CYP39A1: variants seen among roughly 807,000 people sequenced by gnomAD.
CYP39A1 encodes the protein cytochrome P450 family 39 subfamily A member 1.
In CYP39A1, 49 loss-of-function variants were observed where a neutral mutation model predicts 58.1. The observed-to-expected ratio is 0.84, with a 90% CI of 0.67 to 1.07. The LOEUF (loss-of-function observed/expected upper bound fraction) is 1.07, where lower values mean the gene tolerates loss of function less well. Among genes scored for constraint, CYP39A1 ranks in the 50% least tolerant of loss-of-function variants. The pLI, the probability that CYP39A1 is intolerant of heterozygous loss-of-function variation, is 0.00. For missense variants in CYP39A1, 531 were observed against 539.4 expected, an observed-to-expected ratio of 0.98 and a Z score of 0.16; for synonymous variants, 209 against 187.6, an observed-to-expected ratio of 1.11 and a Z score of -0.93.
At chr6:46,605,342 G>A (rs1773775815) in intron 7 of CYP39A1, among the ~76,000 whole-genome samples, 1 of 152,164 alleles carries the variant, frequency 6.6e-6, no homozygotes, top group Non-Finnish European at 1.5e-5. Context: ...CAAGAAGAGA[G>A]AGGGCCCAGC....
At chr6:46,633,628 G>A (rs1333421734) in intron 5 of CYP39A1, among the ~76,000 whole-genome samples, 1 of 152,156 alleles carries the variant, frequency 6.6e-6, no homozygotes, top group Non-Finnish European at 1.5e-5. Context: ...GGAGGCCGAG[G>A]CAGGTGGGTC....
intron 7 of CYP39A1, among the ~76,000 whole-genome samples, chr6:46,616,230 C>CCTTCCTT (rs1774587391): frequency 3.0e-5 from 1 of 33,536 alleles, no homozygotes; most frequent in Non-Finnish European, 4.9e-5. Flanking sequence ...CTCCCTCCCT[C>CCTTCCTT]CCTCCCTCCC....
intron 5 of CYP39A1, among the ~76,000 whole-genome samples, chr6:46,635,721 A>AT (rs1775945564): frequency 6.6e-6 from 1 of 151,980 alleles, no homozygotes. Flanking sequence ...TGCCTGGCTA[A>AT]TTTTTTATAT....
chr6:46,554,139 T>G (rs1770550192), intron 10 of CYP39A1, among the ~76,000 whole-genome samples: 1 of 152,222 alleles, frequency 6.6e-6, no homozygotes, highest in African/African-American at 2.4e-5. Context: ...GGACTGTGCT[T>G]TCCAGTATCA....
chr6:46,555,713 TTGAA>T (rs1164413170), intron 10 of CYP39A1, among the ~76,000 whole-genome samples: 8 of 152,212 alleles, frequency 5.3e-5, no homozygotes, highest in Non-Finnish European at 8.8e-5. Flanking sequence ...TGTTTGTTGA[TTGAA>T]TGAGTGAATG....
intron 7 of CYP39A1, among the ~76,000 whole-genome samples, chr6:46,600,020 C>T (rs1307206064): frequency 6.6e-6 from 1 of 152,072 alleles, no homozygotes; most frequent in East Asian, 1.9e-4. Flanking sequence ...GTCTGTGGTT[C>T]CTAACACAGA....
At chr6:46,556,142 T>G (rs1582283162) in intron 10 of CYP39A1, among the ~76,000 whole-genome samples, 1 of 152,332 alleles carries the variant, frequency 6.6e-6, no homozygotes, top group East Asian at 1.9e-4. Flanking sequence ...GGTGTTATCT[T>G]CCTGCCTTAA....
At chr6:46,556,522 T>C (rs1308808129) in intron 10 of CYP39A1, among the ~76,000 whole-genome samples, 1 of 151,792 alleles carries the variant, frequency 6.6e-6, no homozygotes, top group African/African-American at 2.4e-5. Context: ...AAAAGGGAAA[T>C]CAAAGCACAA....
chr6:46,642,279 A>G lies in CYP39A1; in HGVS notation c.197T>C (p.Val66Ala), dbSNP rs1562020080. 2 of 1,612,662 alleles carry G rather than the reference A, an allele frequency of 1.2e-6. No homozygotes were observed. The highest frequency in any genetic ancestry group is 1.1e-5 in the South Asian group (1 of 90,978). ...ARIKYGPIFT[V>A]FAMGNRMTFV... ...GGTCATTCGGTTTCCCATAGCAAAG[A>G]CTGTAAATATTGGTCCATACTGAAA... The change falls in exon 2 of 12, where the codon GTC (valine) becomes GCC (alanine). Residue 66 changes from valine (V) to alanine (A), a missense_variant. Val to Ala is a moderately conservative substitution (Grantham distance 64). Coordinates refer to ENST00000275016, the MANE Select transcript of CYP39A1 (RefSeq NM_016593.5).
chr6:46,625,518 A>T lies in CYP39A1; in HGVS notation c.841-10T>A. 1.3e-6 allele frequency: 2 copies of T among 1,588,998 alleles called. No individual in the cohort carries two copies. Among genetic ancestry groups the T allele is most frequent in the South Asian group, 2.3e-5 (2 of 88,848 alleles). On this transcript the variant is annotated splice_polypyrimidine_tract_variant and intron_variant, in intron 6 of 11. Coordinates refer to ENST00000275016, the MANE Select transcript of CYP39A1 (RefSeq NM_016593.5). ...GTGTCCAAAATGCAACCTTAAAAAG[A>T]AAAACATATATCAAAAATATGAACT...
At chr6:46,626,880 T>G (rs1438556823) in intron 6 of CYP39A1, among the ~76,000 whole-genome samples, 2 of 152,162 alleles carry the variant, frequency 1.3e-5, no homozygotes, top group Non-Finnish European at 2.9e-5. Context: ...GAGTTCATGT[T>G]GGGGAAAAAA....
intron 8 of CYP39A1, among the ~76,000 whole-genome samples, chr6:46,589,207 C>A (rs1582346979): frequency 6.6e-6 from 1 of 152,086 alleles, no homozygotes; most frequent in Non-Finnish European, 1.5e-5. Flanking sequence ...AATCCTAGCA[C>A]TTTGGGAGGC....
intron 1 of CYP39A1, among the ~76,000 whole-genome samples, chr6:46,648,834 T>C (rs754841611): frequency 6.6e-6 from 1 of 152,134 alleles, no homozygotes; most frequent in Non-Finnish European, 1.5e-5. Context: ...CAAATAATGT[T>C]TCCATTGTGT....
At chr6:46,616,943 A>G (rs1460252541) in intron 7 of CYP39A1, among the ~76,000 whole-genome samples, 9 of 152,156 alleles carry the variant, frequency 5.9e-5, no homozygotes, top group African/African-American at 2.2e-4. Flanking sequence ...TGAACCCACC[A>G]AGAGATTGGC....
chr6:46,651,899 C>T (rs974008804), intron 1 of CYP39A1, among the ~76,000 whole-genome samples: 4 of 152,194 alleles, frequency 2.6e-5, no homozygotes, highest in South Asian at 2.1e-4. Context: ...AGGAGGATTA[C>T]TAGTCTCTTC....
In CYP39A1 at chr6:46,638,013, G is replaced by A. The variant is rs201017936; in HGVS notation, c.489-35C>T. On this transcript the variant is annotated intron_variant, in intron 3 of 11. Coordinates refer to ENST00000275016, the MANE Select transcript of CYP39A1 (RefSeq NM_016593.5). ...CAGAAACACACAAAAAGTCAGACCC[G>A]AAGACCAAAGAAGAAAGGCAAAGGA... The A allele has an allele frequency of 2.1e-4, 330 of 1,567,830 alleles. 1 individual carries two copies. In the East Asian group the frequency reaches 7.2e-3, roughly 34 times the overall value.
intron 7 of CYP39A1, among the ~76,000 whole-genome samples, chr6:46,610,443 G>A (rs1774143107): frequency 6.6e-6 from 1 of 152,088 alleles, no homozygotes; most frequent in Non-Finnish European, 1.5e-5. Flanking sequence ...TTGGGTTCAA[G>A]TGATCCTCCC....
rs994032823 is a variant in CYP39A1 at position 46,648,213 on chromosome 6, G to A, written c.177+4193C>T. ...TGCTGCTATAAAGACACATGCACAC[G>A]TATGTTTACTGTGGCACTGTTCACA... On this transcript the variant is annotated intron_variant, in intron 1 of 11. Transcript: ENST00000275016. 2.6e-5 allele frequency among the ~76,000 whole-genome samples: 4 copies of A among 152,168 alleles called. No homozygotes were observed. In the South Asian group the frequency reaches 6.2e-4, roughly 24 times the overall value.
At chr6:46,564,343 AC>A (rs1561952738) in intron 10 of CYP39A1, among the ~76,000 whole-genome samples, 2 of 151,578 alleles carry the variant, frequency 1.3e-5, no homozygotes, top group Admixed American at 6.6e-5. Context: ...ATAGGCACCC[AC>A]CATTACACCC....
Sources: allele counts gnomAD v4.1 joint callset (sites outside exome capture counted in the v4.1 genomes callset), GRCh38; gene constraint gnomAD v4.1.1; transcripts MANE v1.5; gene names NCBI Gene and HGNC (gene_info 2026-07-23, HGNC 2026-07-21).